ABCA13: variants seen among roughly 807,000 people sequenced by gnomAD.
ABCA13 encodes the protein ATP-binding cassette sub-family A member 13.
ABCA13 carries 476 observed loss-of-function variants against 478.7 expected under a neutral mutation model. The observed-to-expected ratio is 0.99, with a 90% CI of 0.92 to 1.07. The LOEUF (loss-of-function observed/expected upper bound fraction) is 1.07, where lower values mean the gene tolerates loss of function less well. Among genes scored for constraint, ABCA13 ranks in the 50% least tolerant of loss-of-function variants. The pLI is 0.00. For missense variants in ABCA13, 6,060 were observed against 5,910.6 expected, an observed-to-expected ratio of 1.03 and a Z score of -0.83; for synonymous variants, 2,252 against 2,158.9, an observed-to-expected ratio of 1.04 and a Z score of -1.20.
At chr7:48,560,091 TG>T (rs1786293502) in intron 55 of ABCA13, among the ~76,000 whole-genome samples, 2 of 152,164 alleles carry the variant, frequency 1.3e-5, no homozygotes, top group African/African-American at 4.8e-5. Flanking sequence ...AGGATTTGCC[TG>T]GGAATTTTAG....
At chr7:48,333,010 G>A (rs1160400334) in intron 27 of ABCA13, among the ~76,000 whole-genome samples, 1 of 152,166 alleles carries the variant, frequency 6.6e-6, no homozygotes, top group African/African-American at 2.4e-5. Flanking sequence ...TTCAGCCATT[G>A]TTTCCTCTCA....
chr7:48,273,485 C>T lies in ABCA13; in HGVS notation c.3819C>T (p.Asn1273=), dbSNP rs1795896099. 9.3e-6 allele frequency: 15 copies of T among 1,605,186 alleles called. No individual in the cohort carries two copies. Among genetic ancestry groups the T allele is most frequent in the East Asian group, 4.5e-5 (2 of 44,702 alleles). Residue 1273 remains asparagine, a synonymous_variant, in exon 17 of 62, where the codon AAC becomes AAT. Coordinates refer to ENST00000435803, the MANE Select transcript of ABCA13 (RefSeq NM_152701.5). ...ALHQLKTFPF[N]ESTSREFLNS... ...ATCAGTTGAAGACATTTCCATTCAA[C>T]GAAAGTACAAGCAGAGAGTTTTTAA...
intron 28 of ABCA13, among the ~76,000 whole-genome samples, chr7:48,338,156 T>G (rs1414484837): frequency 1.3e-5 from 2 of 152,246 alleles, no homozygotes; most frequent in East Asian, 3.8e-4. Context: ...CAACATAAAT[T>G]TTCATAATTG....
chr7:48,525,836 A>G (rs1216677077), intron 54 of ABCA13, among the ~76,000 whole-genome samples: 1 of 152,020 alleles, frequency 6.6e-6, no homozygotes, highest in Non-Finnish European at 1.5e-5. Context: ...CTCTCAACCC[A>G]TCACCTAGGT....
chr7:48,636,452 C>T (rs980940389), intron 59 of ABCA13, among the ~76,000 whole-genome samples: 1 of 152,134 alleles, frequency 6.6e-6, no homozygotes, highest in African/African-American at 2.4e-5. Context: ...TCTTTCCTGC[C>T]CATGGGAGAT....
chr7:48,372,552 T>C, intron 33 of ABCA13, 55 bp downstream of exon 33: 6 of 1,376,788 alleles, frequency 4.4e-6, no homozygotes, highest in Non-Finnish European at 4.9e-6. Context: ...TTGCAATCTA[T>C]CTAACAAGAC....
intron 58 of ABCA13, among the ~76,000 whole-genome samples, chr7:48,612,373 A>G (rs1170598378): frequency 6.6e-6 from 1 of 152,162 alleles, no homozygotes; most frequent in African/African-American, 2.4e-5. Flanking sequence ...AATATAAATA[A>G]CACATGCTTC....
rs374531946 is a variant in ABCA13 at position 48,273,222 on chromosome 7, T to C, written c.3556T>C (p.Leu1186=). The C allele has an allele frequency of 1.7e-5, 28 of 1,613,706 alleles. No individual in the cohort carries two copies. In the African/African-American group the frequency reaches 1.9e-4, roughly 11 times the overall value. Reference sequence around the variant, plus strand: ...TGGTTTCACTCAGCTTTTGGATGAATTGGAAGATGATGTGAAAGTCTCTAA... The same window carrying C: ...TGGTTTCACTCAGCTTTTGGATGAACTGGAAGATGATGTGAAAGTCTCTAA... ...HHGFTQLLDE[L]EDDVKVSKSC... The change falls in exon 17 of 62, where the codon TTG becomes CTG. Residue 1186 remains leucine (L), a synonymous_variant. Coordinates refer to ENST00000435803, the MANE Select transcript of ABCA13 (RefSeq NM_152701.5).
intron 55 of ABCA13, among the ~76,000 whole-genome samples, chr7:48,576,686 C>T (rs1788221834): frequency 6.6e-6 from 1 of 152,050 alleles, no homozygotes. Flanking sequence ...GAACTACAAG[C>T]CTCAGACTCT....
rs532343265 is a variant in ABCA13, at chr7:48,347,457, G to A, written c.10205-3186G>A. Among the ~76,000 whole-genome samples the A allele has an allele frequency of 2.4e-4, 36 of 152,238 alleles. 1 individual carries two copies. Among genetic ancestry groups the A allele is most frequent in the Non-Finnish European group, 5.1e-4 (35 of 68,052 alleles). ...AATGCAACAAGGCACCGTCAGCACA[G>A]TATGCTGGAGTCACCAGCCAAGGGC... On this transcript the variant is annotated intron_variant, in intron 29 of 61. Coordinates refer to ENST00000435803, the MANE Select transcript of ABCA13 (RefSeq NM_152701.5).
At chr7:48,346,782 A>G (rs1197255675) in intron 29 of ABCA13, among the ~76,000 whole-genome samples, 1 of 152,206 alleles carries the variant, frequency 6.6e-6, no homozygotes, top group Admixed American at 6.5e-5. Flanking sequence ...TTTATAGATT[A>G]AATAACTATC....
At chr7:48,457,847 G>A (rs972386690) in intron 43 of ABCA13, among the ~76,000 whole-genome samples, 21 of 152,202 alleles carry the variant, frequency 1.4e-4, no homozygotes, top group Admixed American at 1.3e-4. Context: ...TAGTAGAGTG[G>A]TAGTTTAGTT....
chr7:48,495,495 A>T (rs1830196503), intron 48 of ABCA13, among the ~76,000 whole-genome samples: 1 of 152,300 alleles, frequency 6.6e-6, no homozygotes, highest in South Asian at 2.1e-4. Flanking sequence ...TGATTAAAAA[A>T]AAGTATTCTA....
intron 2 of ABCA13, among the ~76,000 whole-genome samples, chr7:48,196,866 C>T (rs949664185): frequency 2.0e-5 from 3 of 152,336 alleles, no homozygotes; most frequent in Non-Finnish European, 4.4e-5. Flanking sequence ...TGTCTTGTTA[C>T]AGGAAGAGCT....
intron 45 of ABCA13, among the ~76,000 whole-genome samples, chr7:48,478,855 A>C (rs1412298695): frequency 6.6e-6 from 1 of 152,136 alleles, no homozygotes; most frequent in Non-Finnish European, 1.5e-5. Flanking sequence ...TCAGCATGTG[A>C]AAGCACCACA....
chr7:48,257,418 T>G (rs1346785925), intron 15 of ABCA13, among the ~76,000 whole-genome samples: 1 of 152,190 alleles, frequency 6.6e-6, no homozygotes, highest in Non-Finnish European at 1.5e-5. Context: ...TCCCACTTAG[T>G]ATGATTTTGG....
intron 58 of ABCA13, among the ~76,000 whole-genome samples, chr7:48,612,994 C>T (rs1585983279): frequency 6.6e-6 from 1 of 152,074 alleles, no homozygotes; most frequent in Non-Finnish European, 1.5e-5. Context: ...GTTTTAAAAT[C>T]AATTTGATTT....
At chr7:48,626,030 A>T (rs1344615836) in intron 59 of ABCA13, among the ~76,000 whole-genome samples, 3 of 152,200 alleles carry the variant, frequency 2.0e-5, no homozygotes, top group Admixed American at 6.5e-5. Context: ...ACACAATATG[A>T]TAATTGTTCT....
At chr7:48,477,104 G>T (rs1828182355) in intron 45 of ABCA13, among the ~76,000 whole-genome samples, 1 of 152,152 alleles carries the variant, frequency 6.6e-6, no homozygotes, top group African/African-American at 2.4e-5. Flanking sequence ...GTCCAGAGAT[G>T]AGGGCCTGAT....
Sources: gnomAD v4.1 joint callset for allele counts (sites outside exome capture counted in the v4.1 genomes callset) on GRCh38, gnomAD v4.1.1 for gene constraint, MANE v1.5 for transcripts, NCBI Gene and HGNC (gene_info 2026-07-23, HGNC 2026-07-21) for gene names.